Variants in ZBTB20 observed in about 807,000 individuals in gnomAD.
ZBTB20 encodes zinc finger and BTB domain containing 20, also known as zinc finger and BTB domain-containing protein 20.
Under a neutral mutation model 56.9 loss-of-function variants are expected in ZBTB20, and 9 were observed. That is an observed-to-expected ratio of 0.16 (90% CI 0.10 to 0.28). The LOEUF (loss-of-function observed/expected upper bound fraction) is 0.28, where lower values mean the gene tolerates loss of function less well. Ranked by LOEUF, ZBTB20 falls within the 10% of genes least tolerant of loss-of-function variation. The pLI is 1.00. For synonymous variants in ZBTB20, 417 were observed against 420.7 expected (o/e 0.99, Z 0.11); for missense variants, 655 against 1,003.0 (o/e 0.65, Z 4.69).
At chr3:114,434,142 CCA>C (rs2108907515) in intron 7 of ZBTB20, among the ~76,000 whole-genome samples, 1 of 152,168 alleles carries the variant, frequency 6.6e-6, no homozygotes, top group Non-Finnish European at 1.5e-5. Context: ...CATTTTCTTC[CCA>C]CACTAGTGTA....
intron 2 of ZBTB20, among the ~76,000 whole-genome samples, chr3:115,063,428 G>C (rs1173987296): frequency 6.6e-6 from 1 of 152,080 alleles, no homozygotes; most frequent in African/African-American, 2.4e-5. Context: ...CATGATGGAG[G>C]GCCAAGAGAC....
At chr3:114,776,284 G>A (rs2069602865) in intron 5 of ZBTB20, among the ~76,000 whole-genome samples, 1 of 151,900 alleles carries the variant, frequency 6.6e-6, no homozygotes, top group Non-Finnish European at 1.5e-5. Flanking sequence ...GACTTTGCAG[G>A]TATAATTAAA....
intron 6 of ZBTB20, among the ~76,000 whole-genome samples, chr3:114,591,367 C>A (rs2055743819): frequency 6.6e-6 from 1 of 152,148 alleles, no homozygotes; most frequent in African/African-American, 2.4e-5. Flanking sequence ...TTTCTATAAT[C>A]TACTTCTAGA....
chr3:114,930,885 C>G, intron 3 of ZBTB20: 1 of 246,014 alleles, frequency 4.1e-6, no homozygotes, highest in South Asian at 6.4e-5. Flanking sequence ...TTACAGGCCC[C>G]TGTAGAGTCC....
intron 1 of ZBTB20, among the ~76,000 whole-genome samples, chr3:115,093,334 G>T (rs1462174258): frequency 1.3e-5 from 2 of 151,944 alleles, no homozygotes; most frequent in African/African-American, 2.4e-5. Context: ...CATATCCATA[G>T]GTATATTTTG....
intron 6 of ZBTB20, among the ~76,000 whole-genome samples, chr3:114,682,857 G>C (rs1297541596): frequency 6.6e-6 from 1 of 152,104 alleles, no homozygotes; most frequent in African/African-American, 2.4e-5. Context: ...GTGGGAGATG[G>C]GATATATATC....
At chr3:115,125,634 G>T (rs975779952) in intron 1 of ZBTB20, among the ~76,000 whole-genome samples, 2 of 152,124 alleles carry the variant, frequency 1.3e-5, no homozygotes, top group Admixed American at 1.3e-4. Flanking sequence ...GAATGAATAA[G>T]TTCAAGAGAT....
At chr3:114,879,535 T>G (rs938994462) in intron 4 of ZBTB20, among the ~76,000 whole-genome samples, 10 of 152,296 alleles carry the variant, frequency 6.6e-5, no homozygotes, top group Non-Finnish European at 7.3e-5. Context: ...GCAGAGAACC[T>G]GACCCTGACC....
intron 4 of ZBTB20, among the ~76,000 whole-genome samples, chr3:114,826,181 A>T (rs2073514202): frequency 6.6e-6 from 1 of 151,780 alleles, no homozygotes; most frequent in African/African-American, 2.4e-5. Context: ...ATTAAAGCCA[A>T]GACTGAGAGT....
chr3:114,481,439 A>G (rs186239561), intron 7 of ZBTB20, among the ~76,000 whole-genome samples: 1 of 152,276 alleles, frequency 6.6e-6, no homozygotes, highest in East Asian at 1.9e-4. Context: ...CTTCTCTTGA[A>G]AATCATTGCA....
At chr3:114,925,970 T>C (rs1015693272) in intron 3 of ZBTB20, among the ~76,000 whole-genome samples, 10 of 152,342 alleles carry the variant, frequency 6.6e-5, no homozygotes, top group East Asian at 3.9e-4. Context: ...TAATCTCATA[T>C]TGAAAAATTT....
At chr3:114,664,910 T>A (rs2060960400) in intron 6 of ZBTB20, among the ~76,000 whole-genome samples, 1 of 152,098 alleles carries the variant, frequency 6.6e-6, no homozygotes, top group African/African-American at 2.4e-5. Flanking sequence ...GGGTCTTGCA[T>A]ATACATAGCA....
intron 1 of ZBTB20, among the ~76,000 whole-genome samples, chr3:115,104,313 C>A (rs1271029469): frequency 6.6e-6 from 1 of 152,184 alleles, no homozygotes; most frequent in African/African-American, 2.4e-5. Context: ...AAACTAAACA[C>A]ATATACAATC....
chr3:115,064,443 C>CTTTTTTTTTTTT (rs34098178), intron 2 of ZBTB20, among the ~76,000 whole-genome samples: 2 of 78,044 alleles, frequency 2.6e-5, no homozygotes, highest in African/African-American at 5.3e-5. Context: ...TCTCATAATT[C>CTTTTTTTTTTTT]TTTTTTTTTT....
chr3:115,128,686 A>AAAGGG (rs2084408794), intron 1 of ZBTB20, among the ~76,000 whole-genome samples: 2 of 137,170 alleles, frequency 1.5e-5, no homozygotes, highest in African/African-American at 2.7e-5. Flanking sequence ...AAAGAAAAGA[A>AAAGGG]AAGGGAAGGG....
chr3:114,745,695 A>T (rs2066986665), intron 5 of ZBTB20, among the ~76,000 whole-genome samples: 1 of 152,164 alleles, frequency 6.6e-6, no homozygotes, highest in Non-Finnish European at 1.5e-5. Context: ...TTTCAAAGAA[A>T]CTCAGAGAGA....
At chr3:114,994,008 T>A (rs923665712) in intron 2 of ZBTB20, among the ~76,000 whole-genome samples, 1 of 151,812 alleles carries the variant, frequency 6.6e-6, no homozygotes, top group South Asian at 2.1e-4. Flanking sequence ...AACCATATTA[T>A]TTTTTCAGTA....
chr3:114,358,187 A>T (rs1175347382), intron 10 of ZBTB20, among the ~76,000 whole-genome samples: 3 of 152,226 alleles, frequency 2.0e-5, no homozygotes, highest in Non-Finnish European at 2.9e-5. Flanking sequence ...AGCCAAAAAA[A>T]TAGTTTACTT....
At chr3:114,395,086 C>T (rs563810737) in intron 7 of ZBTB20, among the ~76,000 whole-genome samples, 2 of 152,220 alleles carry the variant, frequency 1.3e-5, no homozygotes, top group East Asian at 3.9e-4. Flanking sequence ...GAAGATAAAG[C>T]TGTCTCAAAG....
Sources: allele counts gnomAD v4.1 joint callset (sites outside exome capture counted in the v4.1 genomes callset), GRCh38; gene constraint gnomAD v4.1.1; transcripts MANE v1.5; gene names NCBI Gene and HGNC (gene_info 2026-07-23, HGNC 2026-07-21).